Variants in MAPKBP1 observed in about 807,000 individuals in gnomAD.
The protein encoded by MAPKBP1 is mitogen-activated protein kinase-binding protein 1.
In MAPKBP1, 71 loss-of-function variants were observed where a neutral mutation model predicts 170.5. The ratio of observed to expected loss-of-function variants is 0.42; its 90% CI spans 0.34 to 0.51. MAPKBP1 has a LOEUF of 0.51. Among genes scored for constraint, MAPKBP1 ranks in the 20% least tolerant of loss-of-function variants. MAPKBP1 has a pLI of 0.06. For synonymous variants in MAPKBP1, 719 were observed against 757.9 expected, an observed-to-expected ratio of 0.95 and a Z score of 0.84; for missense variants, 1,598 against 1,933.0, an observed-to-expected ratio of 0.83 and a Z score of 3.25.
intron 2 of MAPKBP1, among the ~76,000 whole-genome samples, chr15:41,786,959 C>A (rs2064308935): frequency 6.9e-6 from 1 of 145,270 alleles, no homozygotes; most frequent in African/African-American, 2.6e-5. Context: ...AGTGCAGTGG[C>A]AGTATCTCCG....
At position 41,814,653 on chromosome 15, in the gene MAPKBP1, A is replaced by T; in HGVS notation, c.1084A>T (p.Ile362Phe). 1.2e-6 allele frequency: 2 copies of T among 1,614,100 alleles called. No individual in the cohort carries two copies. The highest frequency in any genetic ancestry group is 8.5e-7 in the Non-Finnish European group (1 of 1,180,020). The stretch of plus-strand genomic sequence containing the variant: ...GTCTTGTGTGTACAACGATCATAGC[A>T]TTTATGTTTGGGATGTGAGGGACCC... ...WLSCVYNDHS[I>F]YVWDVRDPKK... is the part of the protein sequence containing the mutation. Residue 362 changes from isoleucine to phenylalanine, a missense_variant, in exon 10 of 31, where the codon ATT (isoleucine) becomes TTT (phenylalanine). Physicochemically the swap from Ile to Phe is conservative, Grantham distance 21 (BLOSUM62 0). This residue lies in a region of MAPKBP1 where 430 missense variants were observed against 617.2 expected (regional missense o/e 0.70). Transcript: ENST00000457542.
chr15:41,817,654 T>C lies in MAPKBP1; in HGVS notation c.1823T>C (p.Val608Ala). ...GVQFTRTHHVVRKTTLYDMDV... is the reference protein window; with the variant it reads ...GVQFTRTHHVARKTTLYDMDV... ...CAGTTCACACGGACACACCACGTGG[T>C]GCGGAAGACGACCCTCTATGACATG... Residue 608 changes from valine (V) to alanine (A), a missense_variant, in exon 16 of 31, where the codon GTG becomes GCG. By Grantham distance (64) the Val-to-Ala change is moderately conservative (BLOSUM62 0). This residue lies in a region of MAPKBP1 where 430 missense variants were observed against 617.2 expected (regional missense o/e 0.70). Transcript: ENST00000457542. This position sits in a 1 kb window ranked among gnomAD's most constrained non-coding sequence, Gnocchi z 4.2. 1 of 1,614,190 alleles carries C rather than the reference T, an allele frequency of 6.2e-7. No homozygotes were observed. The highest frequency in any genetic ancestry group is 1.7e-5 in the Admixed American group (1 of 60,028).
chr15:41,792,311 C>T (rs2064409458), intron 2 of MAPKBP1, among the ~76,000 whole-genome samples: 1 of 151,932 alleles, frequency 6.6e-6, no homozygotes, highest in African/African-American at 2.4e-5. Context: ...TGATAGTGCT[C>T]TGCCTAGTTC....
intron 3 of MAPKBP1, among the ~76,000 whole-genome samples, chr15:41,800,241 C>A (rs1416823309): frequency 2.0e-5 from 3 of 152,184 alleles, no homozygotes; most frequent in Non-Finnish European, 2.9e-5. Context: ...AATTCACATA[C>A]CATATAACTC....
chr15:41,818,498 C>G lies in MAPKBP1; in HGVS notation c.2093-21C>G. The stretch of plus-strand genomic sequence containing the variant: ...TGGGAATTTAAGGTGGCTTATAGAC[C>G]GTATTCTTTGTTCTTCACAGAGATT... On this transcript the variant is annotated intron_variant, in intron 18 of 30. Transcript: ENST00000457542. The surrounding 1 kb of genome is among the most constrained non-coding windows in gnomAD (Gnocchi z 5.2). 1 of 1,607,256 alleles carries G rather than the reference C, an allele frequency of 6.2e-7. No homozygotes were observed. Among genetic ancestry groups the G allele is most frequent in the Non-Finnish European group, 8.5e-7 (1 of 1,175,980 alleles).
In MAPKBP1 at chr15:41,790,114, A is replaced by G. The variant is rs1429997940; in HGVS notation, c.115-9709A>G. 2.0e-5 allele frequency among the ~76,000 whole-genome samples: 3 copies of G among 152,212 alleles called. No individual in the cohort carries two copies. The East Asian group carries it at 5.8e-4, about 29-fold the overall frequency. Reference sequence around the variant, plus strand: ...TCTGTGTGAAGTGGTTAGAACAGTTATTGCTACAAAGTATACATTCAGTAA... The same window carrying G: ...TCTGTGTGAAGTGGTTAGAACAGTTGTTGCTACAAAGTATACATTCAGTAA... On this transcript the variant is annotated intron_variant, in intron 2 of 30. Coordinates refer to ENST00000457542, the MANE Select transcript of MAPKBP1 (RefSeq NM_014994.3).
intron 2 of MAPKBP1, among the ~76,000 whole-genome samples, chr15:41,786,725 A>C (rs1264888921): frequency 7.4e-6 from 1 of 135,820 alleles, no homozygotes; most frequent in Non-Finnish European, 1.6e-5. Context: ...AGATTGCGCC[A>C]CTGCACTCCA....
At position 41,814,594 on chromosome 15, in the gene MAPKBP1, T is replaced by C. The variant is rs758982524; in HGVS notation, c.1025T>C (p.Ile342Thr). 3 of 1,614,154 alleles carry C rather than the reference T, an allele frequency of 1.9e-6. No homozygotes were observed. The highest frequency in any genetic ancestry group is 3.3e-5 in the Admixed American group (2 of 60,030). The change falls in exon 10 of 31, where the codon ATT becomes ACT. Residue 342 changes from isoleucine to threonine, a missense_variant. Ile to Thr is a moderately conservative substitution (Grantham distance 89, BLOSUM62 -1). Transcript: ENST00000457542. ...GVANARYPDT[I>T]ALTFDPTNQW... Reference sequence around the variant, plus strand: ...GCGAATGCCAGGTATCCAGACACCATTGCCTTGACCTTTGATCCTACTAAT... The same window carrying C: ...GCGAATGCCAGGTATCCAGACACCACTGCCTTGACCTTTGATCCTACTAAT...
chr15:41,825,262 C>T lies in MAPKBP1; in HGVS notation c.4353C>T (p.Leu1451=). ...SAEQSRIAQL[L]RDTFSSVRQE... ...AGCAAAGTCGGATTGCCCAGCTCCT[C>T]AGAGACACCTTCTCTTCAGTGCGAC... The change falls in exon 31 of 31, where the codon CTC becomes CTT. Residue 1451 remains leucine, a synonymous_variant. Transcript: ENST00000457542. 6.2e-7 allele frequency: 1 copy of T among 1,607,708 alleles called. No homozygotes were observed. Among genetic ancestry groups the T allele is most frequent in the East Asian group, 2.2e-5 (1 of 44,656 alleles).
At chr15:41,791,939 C>T (rs1254477511) in intron 2 of MAPKBP1, among the ~76,000 whole-genome samples, 1 of 151,788 alleles carries the variant, frequency 6.6e-6, no homozygotes, top group African/African-American at 2.4e-5. Flanking sequence ...CCTGTAATCC[C>T]AGCTACTTGG....
chr15:41,781,301 C>G (rs955839726), intron 2 of MAPKBP1, among the ~76,000 whole-genome samples: 4 of 152,030 alleles, frequency 2.6e-5, no homozygotes, highest in Admixed American at 2.6e-4. Context: ...GTCTCGAACT[C>G]CTGACCTCAA....
chr15:41,810,045 C>T (rs2152077599), intron 3 of MAPKBP1, among the ~76,000 whole-genome samples: 2 of 152,340 alleles, frequency 1.3e-5, no homozygotes, highest in South Asian at 4.1e-4. Flanking sequence ...CTCCCACTTC[C>T]TTCCTTATTC....
At chr15:41,816,852 G>A in intron 13 of MAPKBP1, 58 bp from the exon 14 acceptor site, 1 of 1,552,410 alleles carries the variant, frequency 6.4e-7, no homozygotes, top group Non-Finnish European at 8.7e-7. Context: ...CTCTTTGCCA[G>A]GCCCAGATAA....
chr15:41,782,777 A>G (rs1034458024), intron 2 of MAPKBP1, among the ~76,000 whole-genome samples: 2 of 152,042 alleles, frequency 1.3e-5, no homozygotes, highest in African/African-American at 4.8e-5. Flanking sequence ...AGAAAAAGGG[A>G]CAGTTCCCAA....
chr15:41,795,709 C>T (rs1210890393), intron 2 of MAPKBP1, among the ~76,000 whole-genome samples: 1 of 152,162 alleles, frequency 6.6e-6, no homozygotes, highest in Non-Finnish European at 1.5e-5. Flanking sequence ...CGGGTTCACA[C>T]CATTGTCCTG....
At chr15:41,775,598 G>C (rs1269397035) in intron 2 of MAPKBP1, among the ~76,000 whole-genome samples, 1 of 152,198 alleles carries the variant, frequency 6.6e-6, no homozygotes, top group Admixed American at 6.5e-5. Context: ...CATGAGAAAA[G>C]GTGAATAGTA....
At chr15:41,819,557 G>GCCCCCCC in intron 21 of MAPKBP1, 38 bp from the exon 22 acceptor site, 1 of 1,384,568 alleles carries the variant, frequency 7.2e-7, no homozygotes, top group South Asian at 1.2e-5. Context: ...CGGGGGGGGG[G>GCCCCCCC]CAGGAGACAC....
Position 41,813,551 on chromosome 15 carries a change from T to A in MAPKBP1, c.820-70T>A, listed in dbSNP as rs73408959. 2,112 of 1,577,532 alleles carry A rather than the reference T, an allele frequency of 1.3e-3. 31 individuals are homozygous for A. The African/African-American group carries it at 0.026, about 19-fold the overall frequency. ...GGTCCCTCCTCTTGGCAGGTGGCTG[T>A]TGATGGGTGGGGAGGAGAGAAGACT... is the stretch of plus-strand genomic sequence containing the variant. On this transcript the variant is annotated intron_variant, in intron 8 of 30. Transcript: ENST00000457542.
intron 2 of MAPKBP1, among the ~76,000 whole-genome samples, chr15:41,778,002 A>G (rs1337809238): frequency 2.0e-5 from 3 of 152,152 alleles, no homozygotes; most frequent in African/African-American, 4.8e-5. Flanking sequence ...TTTAGGTCCA[A>G]TTCTGTATTT....
Sources: allele counts gnomAD v4.1 joint callset (sites outside exome capture counted in the v4.1 genomes callset), GRCh38; gene constraint gnomAD v4.1.1; regional missense constraint gnomAD v4.1.1; non-coding constraint Gnocchi (gnomAD v3.1); transcripts MANE v1.5; gene names NCBI Gene and HGNC (gene_info 2026-07-23, HGNC 2026-07-21).